The following PRKN variants were observed in gnomAD, a reference collection of about 807,000 sequenced individuals.
PRKN encodes parkin RBR E3 ubiquitin protein ligase.
A neutral mutation model predicts 59.5 loss-of-function variants in PRKN; 56 were observed. The observed-to-expected ratio is 0.94, with a 90% CI of 0.76 to 1.18. The LOEUF (loss-of-function observed/expected upper bound fraction) is 1.18, where lower values mean the gene tolerates loss of function less well. PRKN is among the 50% of genes most tolerant of loss of function. The pLI, the probability that PRKN is intolerant of heterozygous loss-of-function variation, is 0.00. For missense variants in PRKN, 657 were observed against 596.4 expected (o/e 1.10, Z -1.06); for synonymous variants, 250 against 222.1 (o/e 1.13, Z -1.12).
intron 6 of PRKN, among the ~76,000 whole-genome samples, chr6:161,874,211 A>ATATAT (rs1371487590): frequency 3.4e-5 from 2 of 59,538 alleles, no homozygotes; most frequent in African/African-American, 1.5e-4. Context: ...ATTATATGTA[A>ATATAT]AATATAATAT....
chr6:162,263,878 C>T (rs1193507905), intron 2 of PRKN, among the ~76,000 whole-genome samples: 1 of 151,182 alleles, frequency 6.6e-6, no homozygotes, highest in African/African-American at 2.4e-5. Context: ...CACTTGAACG[C>T]CACCCCCACC....
At chr6:161,869,836 G>C (rs1423335167) in intron 6 of PRKN, among the ~76,000 whole-genome samples, 1 of 152,176 alleles carries the variant, frequency 6.6e-6, no homozygotes, top group Admixed American at 6.5e-5. Context: ...GTCTATGAAA[G>C]GGAGAAGTGA....
At chr6:161,972,455 C>A (rs1199473690) in intron 6 of PRKN, among the ~76,000 whole-genome samples, 1 of 152,106 alleles carries the variant, frequency 6.6e-6, no homozygotes, top group Non-Finnish European at 1.5e-5. Context: ...AGCAAACAGA[C>A]TCAGTTTCTT....
chr6:162,394,072 T>C (rs1039397370), intron 2 of PRKN, among the ~76,000 whole-genome samples: 1 of 152,236 alleles, frequency 6.6e-6, no homozygotes, highest in Non-Finnish European at 1.5e-5. Flanking sequence ...CTGTAGTAAC[T>C]TATAATCTAG....
At chr6:162,202,214 C>T (rs1455679016) in intron 3 of PRKN, among the ~76,000 whole-genome samples, 2 of 151,704 alleles carry the variant, frequency 1.3e-5, no homozygotes, top group East Asian at 1.9e-4. Flanking sequence ...TTTTTTTTAA[C>T]ATTTGGAATG....
chr6:162,605,784 TACAA>T (rs1487930095), intron 1 of PRKN, among the ~76,000 whole-genome samples: 1 of 152,186 alleles, frequency 6.6e-6, no homozygotes, highest in Non-Finnish European at 1.5e-5. Context: ...CGTGGCCTTG[TACAA>T]ACATTTTACA....
rs1382089937 is a variant in PRKN at position 161,902,556 on chromosome 6, A to ATCTATTTTTTTTT, written c.734+70745_734+70746insAAAAAAAAATAGA. Among the ~76,000 whole-genome samples the ATCTATTTTTTTTT allele has an allele frequency of 1.6e-3, 186 of 118,098 alleles. 24 individuals are homozygous for ATCTATTTTTTTTT. Among genetic ancestry groups the ATCTATTTTTTTTT allele is most frequent in the Middle Eastern group, 4.8e-3 (1 of 208 alleles). 77.5% of individuals were successfully genotyped at this position (118,098 alleles called of 152,430 possible). On this transcript the variant is annotated intron_variant, in intron 6 of 11. Transcript: ENST00000366898. ...TATCTATCTATCTATCTATTTATTT[A>ATCTATTTTTTTTT]TTTATTTATTTTTTTTTTTTTGCGA...
intron 1 of PRKN, among the ~76,000 whole-genome samples, chr6:162,681,804 C>T (rs2128232945): frequency 6.6e-6 from 1 of 152,132 alleles, no homozygotes; most frequent in East Asian, 1.9e-4. Context: ...GGTATTTGGA[C>T]CCAAGAATAT....
chr6:161,569,079 C>T (rs1459699664), intron 8 of PRKN, among the ~76,000 whole-genome samples: 1 of 152,152 alleles, frequency 6.6e-6, no homozygotes, highest in East Asian at 1.9e-4. Context: ...TATTTGTTTG[C>T]TCATCTGCCA....
At chr6:161,573,475 C>A (rs1303828838) in intron 7 of PRKN, among the ~76,000 whole-genome samples, 1 of 151,446 alleles carries the variant, frequency 6.6e-6, no homozygotes, top group Non-Finnish European at 1.5e-5. Flanking sequence ...AATCCCAGCA[C>A]TTTGGGAGGC....
chr6:162,448,179 C>T (rs1471122016), intron 1 of PRKN, among the ~76,000 whole-genome samples: 2 of 152,114 alleles, frequency 1.3e-5, no homozygotes, highest in Non-Finnish European at 2.9e-5. Context: ...GTATCAGAGG[C>T]ACGCCCCGGT....
At chr6:161,679,139 T>C (rs1785203305) in intron 7 of PRKN, among the ~76,000 whole-genome samples, 1 of 152,184 alleles carries the variant, frequency 6.6e-6, no homozygotes, top group Non-Finnish European at 1.5e-5. Flanking sequence ...TTCACTCAAC[T>C]TCTAGCTTGA....
intron 2 of PRKN, among the ~76,000 whole-genome samples, chr6:162,279,091 G>A (rs1028181183): frequency 6.6e-6 from 1 of 152,116 alleles, no homozygotes; most frequent in Non-Finnish European, 1.5e-5. Flanking sequence ...AGGACTTTGG[G>A]AGGCTGAGGT....
At chr6:161,571,584 T>C (rs1398151546) in intron 7 of PRKN, among the ~76,000 whole-genome samples, 2 of 152,224 alleles carry the variant, frequency 1.3e-5, no homozygotes, top group African/African-American at 4.8e-5. Flanking sequence ...TAAACTGCCT[T>C]ATAAGACAGT....
intron 1 of PRKN, among the ~76,000 whole-genome samples, chr6:162,470,868 T>C (rs1225771729): frequency 6.6e-6 from 1 of 152,040 alleles, no homozygotes; most frequent in Non-Finnish European, 1.5e-5. Context: ...GTCATTCTCC[T>C]GCCTCAGTCT....
intron 5 of PRKN, among the ~76,000 whole-genome samples, chr6:161,978,036 T>G (rs376839082): frequency 2.6e-4 from 33 of 126,800 alleles, no homozygotes; most frequent in South Asian, 8.7e-4. Context: ...TTATTGTATT[T>G]TATTTTATTT....
At chr6:162,542,114 G>T (rs1038958223) in intron 1 of PRKN, among the ~76,000 whole-genome samples, 2 of 151,978 alleles carry the variant, frequency 1.3e-5, no homozygotes, top group Non-Finnish European at 2.9e-5. Context: ...CAGATGACAG[G>T]GATTACAGGT....
chr6:162,042,743 T>G (rs1202525322), intron 5 of PRKN, among the ~76,000 whole-genome samples: 1 of 152,226 alleles, frequency 6.6e-6, no homozygotes. Context: ...CTTCATATAT[T>G]GTACATTGTG....
At chr6:162,312,638 C>T (rs1782567514) in intron 2 of PRKN, among the ~76,000 whole-genome samples, 1 of 152,136 alleles carries the variant, frequency 6.6e-6, no homozygotes, top group Non-Finnish European at 1.5e-5. Context: ...GACATCGAAG[C>T]AAGCATCTCA....
Sources: gnomAD v4.1 joint callset for allele counts (sites outside exome capture counted in the v4.1 genomes callset) on GRCh38, gnomAD v4.1.1 for gene constraint, MANE v1.5 for transcripts, NCBI Gene and HGNC (gene_info 2026-07-23, HGNC 2026-07-21) for gene names.